The following SEZ6L variants were observed in gnomAD, a reference collection of about 807,000 sequenced individuals.
SEZ6L encodes the protein seizure 6-like protein.
Under a neutral mutation model 106.2 loss-of-function variants are expected in SEZ6L, and 37 were observed. The observed-to-expected ratio is 0.35, with a 90% CI of 0.27 to 0.46. The LOEUF is 0.46. Ranked by LOEUF, SEZ6L falls within the 20% of genes least tolerant of loss-of-function variation. The pLI, the probability that SEZ6L is intolerant of heterozygous loss-of-function variation, is 1.00. For synonymous variants in SEZ6L, 541 were observed against 570.4 expected (o/e 0.95, Z 0.73); for missense variants, 1,172 against 1,332.8 (o/e 0.88, Z 1.88).
chr22:26,336,178 C>A (rs3788386), intron 9 of SEZ6L, among the ~76,000 whole-genome samples: 28,693 of 152,098 alleles, frequency 0.19, 3,374 homozygotes, highest in South Asian at 0.26. Context: ...TCCAGCATTT[C>A]TCTGATGCCA....
chr22:26,202,827 A>G lies in SEZ6L; in HGVS notation c.94+33064A>G, dbSNP rs1602019945. ...AACTGTAGTATCGAGCTTGCATAGG[A>G]CGAGTCATTAGTCATCATTAACTAA... On this transcript the variant is annotated intron_variant, in intron 1 of 16. Transcript: ENST00000248933. Among the ~76,000 whole-genome samples the G allele has an allele frequency of 5.3e-5, 8 of 152,348 alleles. No individual in the cohort carries two copies. The South Asian group carries it at 1.7e-3, about 32-fold the overall frequency.
chr22:26,173,417 C>T (rs1443176317), intron 1 of SEZ6L, among the ~76,000 whole-genome samples: 2 of 152,136 alleles, frequency 1.3e-5, no homozygotes, highest in Non-Finnish European at 2.9e-5. Context: ...TTTGACCTTG[C>T]CTGGTGCAGA....
intron 1 of SEZ6L, among the ~76,000 whole-genome samples, chr22:26,195,169 C>T (rs1940495964): frequency 6.6e-6 from 1 of 152,206 alleles, no homozygotes; most frequent in African/African-American, 2.4e-5. Context: ...CCAGACTGGG[C>T]TTACCTGACG....
At chr22:26,302,036 G>A (rs1179815189) in intron 5 of SEZ6L, among the ~76,000 whole-genome samples, 1 of 152,134 alleles carries the variant, frequency 6.6e-6, no homozygotes, top group African/African-American at 2.4e-5. Flanking sequence ...TGGAAATCAA[G>A]GTGGACAATA....
chr22:26,377,657 C>T lies in SEZ6L; in HGVS notation c.2943-16C>T. The T allele has an allele frequency of 1.3e-6, 2 of 1,593,604 alleles. No individual in the cohort carries two copies. Among genetic ancestry groups the T allele is most frequent in the Non-Finnish European group, 1.7e-6 (2 of 1,161,446 alleles). On this transcript the variant is annotated splice_polypyrimidine_tract_variant and intron_variant, in intron 15 of 16. Coordinates refer to ENST00000248933, the MANE Select transcript of SEZ6L (RefSeq NM_021115.5). ...AGCTGGGGAGAAGTAACTTCTCTCT[C>T]CTTTCTTTCCCCCAGATGTCGCTAC...
chr22:26,356,641 CAAATAATAATAATAA>C (rs1229660526), intron 12 of SEZ6L, among the ~76,000 whole-genome samples: 1 of 112,156 alleles, frequency 8.9e-6, no homozygotes, highest in Non-Finnish European at 1.8e-5. Context: ...GATTCTGTCT[CAAATAATAATAATAA>C]TAATAATAAT....
chr22:26,172,675 G>T (rs1938706231), intron 1 of SEZ6L, among the ~76,000 whole-genome samples: 1 of 152,212 alleles, frequency 6.6e-6, no homozygotes, highest in Admixed American at 6.5e-5. Flanking sequence ...AAGGTCAGCA[G>T]AATGGAGCTC....
chr22:26,278,973 G>GGAGGGAGGGAGGGAGGGACGAAGT (rs2080657571), intron 1 of SEZ6L, among the ~76,000 whole-genome samples: 1 of 116,316 alleles, frequency 8.6e-6, no homozygotes, highest in Non-Finnish European at 1.9e-5. Context: ...AGAGAGGAAG[G>GGAGGGAGGGAGGGAGGGACGAAGT]GAGGGAGGGA....
At chr22:26,231,153 G>A (rs1414488640) in intron 1 of SEZ6L, among the ~76,000 whole-genome samples, 1 of 152,226 alleles carries the variant, frequency 6.6e-6, no homozygotes, top group Non-Finnish European at 1.5e-5. Flanking sequence ...TGTGCCCAGA[G>A]CAGTAGCTCA....
At chr22:26,200,944 C>A (rs1261692898) in intron 1 of SEZ6L, among the ~76,000 whole-genome samples, 1 of 152,088 alleles carries the variant, frequency 6.6e-6, no homozygotes, top group African/African-American at 2.4e-5. Flanking sequence ...CCAGTCAAAA[C>A]CCCAACCAGT....
In SEZ6L at chr22:26,333,503, C is replaced by T. The variant is rs182952145; in HGVS notation, c.2016-6933C>T. 3.3e-5 allele frequency among the ~76,000 whole-genome samples: 5 copies of T among 151,936 alleles called. No homozygotes were observed. In the East Asian group the frequency reaches 9.6e-4, roughly 29 times the overall value. ...CCCAAGGTTGGAGCAGGGAAGAGTC[C>T]AGTCGGGGTTAGGGTCCTAGGTAGG... On this transcript the variant is annotated intron_variant, in intron 9 of 16. Coordinates refer to ENST00000248933, the MANE Select transcript of SEZ6L (RefSeq NM_021115.5).
intron 8 of SEZ6L, among the ~76,000 whole-genome samples, chr22:26,312,871 G>A (rs1011224672): frequency 4.6e-5 from 7 of 152,140 alleles, no homozygotes; most frequent in South Asian, 2.1e-4. Flanking sequence ...CACCTGGCCC[G>A]TTTCCCCATA....
At chr22:26,173,355 G>C (rs910079736) in intron 1 of SEZ6L, among the ~76,000 whole-genome samples, 21 of 152,280 alleles carry the variant, frequency 1.4e-4, no homozygotes, top group Middle Eastern at 3.4e-3. Flanking sequence ...GGGGTTGAAG[G>C]GCATAGTGAG....
At chr22:26,303,025 T>C (rs961563518) in intron 5 of SEZ6L, among the ~76,000 whole-genome samples, 4 of 152,266 alleles carry the variant, frequency 2.6e-5, no homozygotes, top group African/African-American at 9.6e-5. Flanking sequence ...TTCATTGATT[T>C]CTCACTACTG....
chr22:26,194,731 T>TTACA (rs1302433446), intron 1 of SEZ6L, among the ~76,000 whole-genome samples: 1 of 152,188 alleles, frequency 6.6e-6, no homozygotes, highest in Non-Finnish European at 1.5e-5. Context: ...GCTCCTCCAC[T>TTACA]TACAAGCTGT....
intron 1 of SEZ6L, among the ~76,000 whole-genome samples, chr22:26,288,064 G>T (rs978608355): frequency 2.0e-5 from 3 of 152,186 alleles, no homozygotes; most frequent in Non-Finnish European, 4.4e-5. Flanking sequence ...GCCAGTTGGG[G>T]AATCTGTTTT....
intron 12 of SEZ6L, among the ~76,000 whole-genome samples, chr22:26,363,741 G>A (rs2146053264): frequency 6.6e-6 from 1 of 152,348 alleles, no homozygotes; most frequent in South Asian, 2.1e-4. Flanking sequence ...ATTGTTCAGA[G>A]TAGCCAAAAG....
chr22:26,351,290 T>G, intron 12 of SEZ6L, 47 bp downstream of exon 12: 2 of 1,563,480 alleles, frequency 1.3e-6, no homozygotes, highest in Non-Finnish European at 1.7e-6. Flanking sequence ...AGAAGCAGAT[T>G]CACTTTCTCT....
intron 1 of SEZ6L, among the ~76,000 whole-genome samples, chr22:26,250,533 A>T (rs148819421): frequency 1.8e-3 from 276 of 152,230 alleles, no homozygotes; most frequent in African/African-American, 6.1e-3. Flanking sequence ...ATCTGTTTTT[A>T]TGCTGGCACC....
Sources: allele counts gnomAD v4.1 joint callset (sites outside exome capture counted in the v4.1 genomes callset), GRCh38; gene constraint gnomAD v4.1.1; transcripts MANE v1.5; gene names NCBI Gene and HGNC (gene_info 2026-07-23, HGNC 2026-07-21).